Variants in TNC observed in about 807,000 individuals in gnomAD.
The protein encoded by TNC is tenascin.
In TNC, 109 loss-of-function variants were observed where a neutral mutation model predicts 202.4. The ratio of observed to expected loss-of-function variants is 0.54; its 90% CI spans 0.46 to 0.63. TNC has a LOEUF of 0.63. Among genes scored for constraint, TNC ranks in the 30% least tolerant of loss-of-function variants. TNC has a pLI of 0.00. For synonymous variants in TNC, 1,007 were observed against 1,089.7 expected, an observed-to-expected ratio of 0.92 and a Z score of 1.50; for missense variants, 2,756 against 2,833.3, an observed-to-expected ratio of 0.97 and a Z score of 0.62.
rs201689087 is a variant in TNC at position 115,046,594 on chromosome 9, G to A, written c.4941C>T (p.Phe1647=). 2.5e-6 allele frequency: 4 copies of A among 1,614,034 alleles called. No individual in the cohort carries two copies. The highest frequency in any genetic ancestry group is 3.3e-5 in the Admixed American group (2 of 60,002). Residue 1647 remains phenylalanine, a synonymous_variant, in exon 17 of 28, where the codon TTC becomes TTT. Transcript: ENST00000350763. ...CTCTGATTTTGAGAACAAAATTGTCGAAGACCCCTTCATCAGCTGTCCAGG... is the reference window on the plus strand; with the variant it reads ...CTCTGATTTTGAGAACAAAATTGTCAAAGACCCCTTCATCAGCTGTCCAGG... ...RLSWTADEGV[F]DNFVLKIRDT...
intron 18 of TNC, among the ~76,000 whole-genome samples, chr9:115,041,619 G>A (rs1830764689): frequency 6.6e-6 from 1 of 152,158 alleles, no homozygotes. Context: ...ACATCAGCTG[G>A]TCAGACTTCC....
intron 1 of TNC, among the ~76,000 whole-genome samples, chr9:115,099,111 A>G (rs1836020336): frequency 6.6e-6 from 1 of 152,110 alleles, no homozygotes; most frequent in African/African-American, 2.4e-5. Flanking sequence ...TTTAGGCAGC[A>G]CAGTGGCTTA....
At position 115,063,919 on chromosome 9, in the gene TNC, C is replaced by G. The variant is rs368280307; in HGVS notation, c.3637G>C (p.Val1213Leu). Residue 1213 changes from valine (V) to leucine (L), a missense_variant, in exon 12 of 28, where the codon GTC (valine) becomes CTC (leucine). By Grantham distance (32) the Val-to-Leu change is conservative. Around this residue, in one of 2 missense-constraint regions of TNC, gnomAD observed 2,559 missense variants for 2,546.0 expected, o/e 1.01. Transcript: ENST00000350763. ...TCTGTGGACCTCAGTCCTCCTGGGACGGTGAGGTTCTGGGCTGCCTCTACT... is the reference window on the plus strand; with the variant it reads ...TCTGTGGACCTCAGTCCTCCTGGGAGGGTGAGGTTCTGGGCTGCCTCTACT... The part of the protein sequence containing the change: ...DTVEAAQNLT[V>L]PGGLRSTDLP... 1 of 1,614,138 alleles carries G rather than the reference C, an allele frequency of 6.2e-7. No homozygotes were observed. Among genetic ancestry groups the G allele is most frequent in the South Asian group, 1.1e-5 (1 of 91,082 alleles).
At chr9:115,064,501 AGCGTGATG>A (rs1396780800) in intron 11 of TNC, 138 bp downstream of exon 11, 1 of 1,070,354 alleles carries the variant, frequency 9.3e-7, no homozygotes, top group Non-Finnish European at 1.4e-6. Context: ...GGGGTTCTGT[AGCGTGATG>A]GCCTCGTGTC....
Position 115,091,009 on chromosome 9 carries a change from T to A in TNC, c.10A>T (p.Met4Leu). ...AAGACACCTGCCAACAGCTGAGTCA[T>A]GGCCCCCATGGTGGAGGTGGGTTTG... Reference protein sequence around the residue: MGAMTQLLAGVFLA... With the variant: MGALTQLLAGVFLA... Residue 4 changes from methionine (M) to leucine (L), a missense_variant, in exon 2 of 28, where the codon ATG becomes TTG. Met to Leu is a conservative substitution (Grantham distance 15). Transcript: ENST00000350763. The A allele has an allele frequency of 5.6e-6, 9 of 1,610,124 alleles. No individual in the cohort carries two copies. The highest frequency in any genetic ancestry group is 7.6e-6 in the Non-Finnish European group (9 of 1,179,828).
In TNC at chr9:115,030,276, G is replaced by A; in HGVS notation, c.6050C>T (p.Thr2017Ile). The part of the protein sequence containing the change: ...AEALEVFCDM[T>I]SDGGGWIVFL... ...CACAATCCATCCACCCCCATCAGAG[G>A]TCATGTCACAGAAGACTTCCAGCGC... The change falls in exon 24 of 28, where the codon ACC becomes ATC. Residue 2017 changes from threonine to isoleucine, a missense_variant. Physicochemically the swap from Thr to Ile is moderately conservative, Grantham distance 89. Around this residue, in one of 2 missense-constraint regions of TNC, gnomAD observed 197 missense variants for 287.3 expected, o/e 0.69. Transcript: ENST00000350763. 2.5e-6 allele frequency: 4 copies of A among 1,612,748 alleles called. No individual in the cohort carries two copies. The highest frequency in any genetic ancestry group is 3.4e-6 in the Non-Finnish European group (4 of 1,178,940).
intron 23 of TNC, among the ~76,000 whole-genome samples, 164 bp downstream of exon 23, chr9:115,031,389 T>A (rs1359258013): frequency 6.6e-6 from 1 of 152,256 alleles, no homozygotes. Flanking sequence ...GGGATGCTCA[T>A]AATCTCCCAC....
chr9:115,071,364 T>C (rs1833456765), intron 10 of TNC, among the ~76,000 whole-genome samples: 1 of 152,224 alleles, frequency 6.6e-6, no homozygotes, highest in Non-Finnish European at 1.5e-5. Context: ...AAACATGATA[T>C]CTTTGAAATG....
At chr9:115,071,456 A>T (rs1475015222) in intron 10 of TNC, among the ~76,000 whole-genome samples, 3 of 152,184 alleles carry the variant, frequency 2.0e-5, no homozygotes, top group African/African-American at 4.8e-5. Context: ...AAACAGAATA[A>T]TTCTAGCTAG....
At chr9:115,094,453 A>G (rs368234533) in intron 1 of TNC, among the ~76,000 whole-genome samples, 1 of 152,222 alleles carries the variant, frequency 6.6e-6, no homozygotes, top group Non-Finnish European at 1.5e-5. Flanking sequence ...TCTCATGCAG[A>G]CAACTGGCTG....
In TNC at chr9:115,076,434, T is replaced by G. The variant is rs1833861874; in HGVS notation, c.2816A>C (p.Asp939Ala). Residue 939 changes from aspartate (D) to alanine (A), a missense_variant, in exon 8 of 28, where the codon GAT becomes GCT. Asp to Ala is a moderately radical substitution (Grantham distance 126, BLOSUM62 -2). This residue lies in a region of TNC where 2,559 missense variants were observed against 2,546.0 expected (regional missense o/e 1.01). Coordinates refer to ENST00000350763, the MANE Select transcript of TNC (RefSeq NM_002160.4). ...TGTGGCTTGTTGGCTCTTTGGAACA[T>G]CAACCTCAGCGTGGTCCCCTCCAGA... ...PISGGDHAEV[D>A]VPKSQQATTK... is the part of the protein sequence containing the mutation. The G allele has an allele frequency of 6.2e-7, 1 of 1,614,054 alleles. No individual in the cohort carries two copies. The highest frequency in any genetic ancestry group is 8.5e-7 in the Non-Finnish European group (1 of 1,180,032).
rs754249320 is a variant in TNC, at chr9:115,090,541, G to C, written c.457+21C>G. On this transcript the variant is annotated intron_variant, in intron 2 of 27. Coordinates refer to ENST00000350763, the MANE Select transcript of TNC (RefSeq NM_002160.4). ...CTCCATGTTTGCACAGTGTGGGACT[G>C]GGCGGGCCACCAGCTCATACCTGTG... The C allele has an allele frequency of 7.1e-6, 11 of 1,540,344 alleles. 1 individual carries two copies. In the South Asian group the frequency reaches 1.2e-4, roughly 17 times the overall value.
intron 1 of TNC, among the ~76,000 whole-genome samples, chr9:115,102,169 C>T (rs530487832): frequency 6.6e-6 from 1 of 152,238 alleles, no homozygotes; most frequent in South Asian, 2.1e-4. Context: ...AGGATTTGAA[C>T]CAAATCCCAT....
intron 10 of TNC, among the ~76,000 whole-genome samples, chr9:115,066,013 T>C (rs1832924271): frequency 1.3e-5 from 2 of 151,252 alleles, no homozygotes; most frequent in Non-Finnish European, 2.9e-5. Flanking sequence ...AGCGTTCAAA[T>C]CATTTACATA....
rs1276983381 is a variant in TNC at position 115,040,933 on chromosome 9, C to A, written c.5392+8G>T. 2 of 1,608,588 alleles carry A rather than the reference C, an allele frequency of 1.2e-6. No homozygotes were observed. Among genetic ancestry groups the A allele is most frequent in the Non-Finnish European group, 8.5e-7 (1 of 1,177,028 alleles). On this transcript the variant is annotated splice_region_variant and intron_variant, in intron 19 of 27. Transcript: ENST00000350763. ...CACACACACACACACACAACCCCACCAACTCACCTGTGGTGAATGACCCTG... is the reference window on the plus strand; with the variant it reads ...CACACACACACACACACAACCCCACAAACTCACCTGTGGTGAATGACCCTG...
intron 4 of TNC, among the ~76,000 whole-genome samples, chr9:115,083,880 C>T (rs915084027): frequency 5.9e-5 from 9 of 152,144 alleles, no homozygotes; most frequent in Admixed American, 2.6e-4. Flanking sequence ...GCTAGGATTA[C>T]GGGCATGAGC....
chr9:115,101,662 G>A (rs1212834682), intron 1 of TNC, among the ~76,000 whole-genome samples: 1 of 152,214 alleles, frequency 6.6e-6, no homozygotes, highest in Non-Finnish European at 1.5e-5. Flanking sequence ...TATTTACTTA[G>A]TATGGACCTC....
chr9:115,076,866 C>T (rs1224274262), intron 7 of TNC, among the ~76,000 whole-genome samples: 1 of 152,138 alleles, frequency 6.6e-6, no homozygotes, highest in African/African-American at 2.4e-5. Context: ...AGTGTAAAAA[C>T]TGGTCTTTTG....
intron 1 of TNC, among the ~76,000 whole-genome samples, chr9:115,117,532 A>T (rs1259900617): frequency 6.6e-6 from 1 of 152,160 alleles, no homozygotes; most frequent in Non-Finnish European, 1.5e-5. Context: ...TGCTGTTTAG[A>T]TATAAACTTT....
Sources: gnomAD v4.1 joint callset for allele counts (sites outside exome capture counted in the v4.1 genomes callset) on GRCh38, gnomAD v4.1.1 for gene constraint, gnomAD v4.1.1 regional missense constraint, MANE v1.5 for transcripts, NCBI Gene and HGNC (gene_info 2026-07-23, HGNC 2026-07-21) for gene names.